VPS13C: variants seen among roughly 807,000 people sequenced by gnomAD.
VPS13C encodes the protein vacuolar protein sorting 13 homolog C.
VPS13C carries 358 observed loss-of-function variants against 456.8 expected under a neutral mutation model. The observed-to-expected ratio is 0.78, with a 90% confidence interval of 0.72 to 0.86. The LOEUF is 0.86. VPS13C is among the 40% of genes least tolerant of loss of function. The pLI is 0.00. For missense variants in VPS13C, 4,818 were observed against 4,385.4 expected (o/e 1.10, Z -2.79); for synonymous variants, 1,578 against 1,486.7 (o/e 1.06, Z -1.41).
intron 18 of VPS13C, among the ~76,000 whole-genome samples, chr15:61,989,033 A>G (rs1309927275): frequency 6.6e-6 from 1 of 151,902 alleles, no homozygotes; most frequent in African/African-American, 2.4e-5. Flanking sequence ...CCAAAAAGGA[A>G]AAGATTAATA....
At chr15:61,980,530 T>A (rs891853326) in intron 22 of VPS13C, among the ~76,000 whole-genome samples, 2 of 152,160 alleles carry the variant, frequency 1.3e-5, no homozygotes. Context: ...TGCTCCTTCC[T>A]CTTATCAAAT....
intron 12 of VPS13C, 48 bp downstream of exon 12, chr15:62,012,059 T>A (rs1389208873): frequency 2.6e-6 from 3 of 1,151,890 alleles, no homozygotes; most frequent in Non-Finnish European, 3.8e-6. Flanking sequence ...ATGTATTTAA[T>A]TCTATGTTTC....
chr15:61,875,244 G>A (rs1434515485), intron 76 of VPS13C, among the ~76,000 whole-genome samples: 2 of 152,018 alleles, frequency 1.3e-5, no homozygotes, highest in African/African-American at 4.8e-5. Context: ...TCATCAAATT[G>A]CTAAAACAAG....
At chr15:62,005,479 A>T (rs1198239354) in intron 15 of VPS13C, among the ~76,000 whole-genome samples, 1 of 152,022 alleles carries the variant, frequency 6.6e-6, no homozygotes, top group Non-Finnish European at 1.5e-5. Flanking sequence ...CCAATTTGCC[A>T]GTCTGTGTCT....
At chr15:61,882,777 G>C (rs1261155924) in intron 68 of VPS13C, 41 bp from the exon 69 acceptor site, 1 of 1,508,280 alleles carries the variant, frequency 6.6e-7, no homozygotes, top group East Asian at 2.4e-5. Flanking sequence ...GCTGATATTA[G>C]CACAGTAGCT....
chr15:61,902,131 G>A (rs1566983658), intron 66 of VPS13C, among the ~76,000 whole-genome samples: 2 of 124,140 alleles, frequency 1.6e-5, no homozygotes, highest in African/African-American at 3.0e-5. Flanking sequence ...GGGAGGGGGA[G>A]GGATAGCATT....
chr15:61,969,189 C>T (rs1392140389), intron 28 of VPS13C, 110 bp downstream of exon 28: 9 of 797,192 alleles, frequency 1.1e-5, no homozygotes, highest in Non-Finnish European at 1.7e-5. Context: ...AAAGTGCTTA[C>T]AACAGTGTAG....
In VPS13C at chr15:62,040,419, G is replaced by A. The variant is rs150150318; in HGVS notation, c.187+905C>T. ...TGATAGAAACCTCATTTACCCCGAT[G>A]TGATTATTACACACTGCATGCCTGT... On this transcript the variant is annotated intron_variant, in intron 3 of 84. Coordinates refer to ENST00000644861, the MANE Select transcript of VPS13C (RefSeq NM_020821.3). Among the ~76,000 whole-genome samples, 228 of 152,214 alleles carry A rather than the reference G, an allele frequency of 1.5e-3. 1 individual carries two copies. The highest frequency in any genetic ancestry group is 9.6e-3 in the East Asian group (50 of 5,184).
At chr15:61,866,683 GT>G (rs770877843) in intron 81 of VPS13C, 96 of 985,032 alleles carry the variant, frequency 9.7e-5, no homozygotes, top group Non-Finnish European at 1.1e-4. Context: ...ACAGTTACAT[GT>G]TTTGTTATAC....
chr15:62,044,475 T>A (rs554576255), intron 1 of VPS13C, among the ~76,000 whole-genome samples: 1 of 152,130 alleles, frequency 6.6e-6, no homozygotes, highest in African/African-American at 2.4e-5. Context: ...AAAGAAGTTA[T>A]AACACATTAA....
intron 18 of VPS13C, among the ~76,000 whole-genome samples, chr15:61,990,370 T>G (rs2046186864): frequency 6.6e-6 from 1 of 152,200 alleles, no homozygotes; most frequent in South Asian, 2.1e-4. Context: ...AAATAGGCAG[T>G]ACATTTTGGT....
intron 8 of VPS13C, among the ~76,000 whole-genome samples, chr15:62,021,665 TG>T (rs1177603832): frequency 6.6e-6 from 1 of 151,888 alleles, no homozygotes; most frequent in African/African-American, 2.4e-5. Context: ...ATTTTCTAAA[TG>T]GAAAAAAATC....
rs746214733 is a variant in VPS13C at position 62,060,262 on chromosome 15, C to T, written c.100+13G>A. 5.7e-6 allele frequency: 9 copies of T among 1,575,060 alleles called. No individual in the cohort carries two copies. The highest frequency in any genetic ancestry group is 7.8e-6 in the Non-Finnish European group (9 of 1,151,950). ...CAGCGCCCGCAGCCCACTGGCCGCG[C>T]CCTCTCGCTTACCGCCCCAGATGCC... On this transcript the variant is annotated intron_variant, in intron 1 of 84. Coordinates refer to ENST00000644861, the MANE Select transcript of VPS13C (RefSeq NM_020821.3).
chr15:61,986,501 G>A (rs1459583203), intron 18 of VPS13C, among the ~76,000 whole-genome samples: 1 of 152,116 alleles, frequency 6.6e-6, no homozygotes, highest in Non-Finnish European at 1.5e-5. Context: ...AGACACACAT[G>A]AGATATTATG....
intron 67 of VPS13C, among the ~76,000 whole-genome samples, chr15:61,889,454 G>A (rs934882366): frequency 2.6e-5 from 4 of 151,902 alleles, no homozygotes; most frequent in Non-Finnish European, 5.9e-5. Context: ...TTCCCCAAAC[G>A]TGTGCTTCTT....
At position 61,854,067 on chromosome 15, in the gene VPS13C, C is replaced by T. The variant is rs993251603; in HGVS notation, c.*390G>A. ...AAAAAAAAAAAAAACCCCAAAAAAA[C>T]AAAAATAAAAAAACCTTTCAAAGAA... On this transcript the variant is annotated 3_prime_UTR_variant, in exon 85 of 85. Coordinates refer to ENST00000644861, the MANE Select transcript of VPS13C (RefSeq NM_020821.3). 3 of 164,718 alleles carry T rather than the reference C, an allele frequency of 1.8e-5. No individual in the cohort carries two copies. Among genetic ancestry groups the T allele is most frequent in the Admixed American group, 1.2e-4 (2 of 16,636 alleles). The allele number at this position is 164,718 out of a possible 1,614,324, so 10.2% of individuals were successfully genotyped here.
rs1249423760 is a variant in VPS13C, at chr15:61,925,512, T to C, written c.6553A>G (p.Thr2185Ala). Residue 2185 changes from threonine (T) to alanine (A), a missense_variant, in exon 53 of 85, where the codon ACG becomes GCG. By Grantham distance (58) the Thr-to-Ala change is moderately conservative. Around this residue, in one of 3 missense-constraint regions of VPS13C, gnomAD observed 4,552 missense variants for 4,130.6 expected, o/e 1.10. Transcript: ENST00000644861. ...QPCSLFMEKC[T>A]WASGKQNINI... ...ATATTTTGCTTTCCTGAAGCCCACGTACATTTTTCCATAAATAAAGAACAG... is the reference window on the plus strand; with the variant it reads ...ATATTTTGCTTTCCTGAAGCCCACGCACATTTTTCCATAAATAAAGAACAG... 2 of 1,605,276 alleles carry C rather than the reference T, an allele frequency of 1.2e-6. No individual in the cohort carries two copies. The highest frequency in any genetic ancestry group is 1.3e-5 in the African/African-American group (1 of 74,494).
At chr15:62,002,177 C>T (rs1036071589) in intron 15 of VPS13C, among the ~76,000 whole-genome samples, 1 of 152,142 alleles carries the variant, frequency 6.6e-6, no homozygotes, top group African/African-American at 2.4e-5. Context: ...CTCTCCAGCA[C>T]CTGTTGTTTC....
chr15:61,966,096 T>C lies in VPS13C; in HGVS notation c.3038A>G (p.Glu1013Gly), dbSNP rs2045366113. The C allele has an allele frequency of 6.2e-7, 1 of 1,603,640 alleles. No homozygotes were observed. Among genetic ancestry groups the C allele is most frequent in the Admixed American group, 1.7e-5 (1 of 59,154 alleles). The stretch of plus-strand genomic sequence containing the variant: ...AGAATTTCTTACCTTAACTGTTTGT[T>C]CAGTTTTTCCAAAAGCAGTTTGAAA... ...PSFQTAFGKT[E>G]QTVKVAFSSL... Residue 1013 changes from glutamate (E) to glycine (G), a missense_variant, in exon 30 of 85, where the codon GAA becomes GGA. Around this residue, in one of 3 missense-constraint regions of VPS13C, gnomAD observed 4,552 missense variants for 4,130.6 expected, o/e 1.10. Transcript: ENST00000644861.
Sources: gnomAD v4.1 joint callset for allele counts (sites outside exome capture counted in the v4.1 genomes callset) on GRCh38, gnomAD v4.1.1 for gene constraint, gnomAD v4.1.1 regional missense constraint, MANE v1.5 for transcripts, NCBI Gene and HGNC (gene_info 2026-07-23, HGNC 2026-07-21) for gene names.